The following IMMP2L variants were observed in gnomAD, a reference collection of about 807,000 sequenced individuals.
The protein encoded by IMMP2L is inner mitochondrial membrane peptidase subunit 2.
In IMMP2L, 18 loss-of-function variants were observed where a neutral mutation model predicts 19.3. That is an observed-to-expected ratio of 0.93 (90% CI 0.64 to 1.38). The LOEUF (loss-of-function observed/expected upper bound fraction) is 1.38. IMMP2L is among the 40% of genes most tolerant of loss of function. The probability of loss-of-function intolerance (pLI) is 0.00; values close to 1 mark genes in which losing one functional copy is unlikely to be tolerated. For missense variants in IMMP2L, 233 were observed against 218.2 expected, an observed-to-expected ratio of 1.07 and a Z score of -0.43; for synonymous variants, 76 against 73.0, an observed-to-expected ratio of 1.04 and a Z score of -0.21.
intron 3 of IMMP2L, among the ~76,000 whole-genome samples, chr7:111,331,925 G>A (rs1364818135): frequency 6.6e-6 from 1 of 151,708 alleles, no homozygotes; most frequent in Non-Finnish European, 1.5e-5. Flanking sequence ...TATTAACTGG[G>A]AAAGTTAAGC....
At chr7:110,936,253 T>C (rs259020) in intron 4 of IMMP2L, among the ~76,000 whole-genome samples, 2 of 151,792 alleles carry the variant, frequency 1.3e-5, no homozygotes, top group Non-Finnish European at 2.9e-5. Context: ...ATCATCAGAG[T>C]GAACAGGCAA....
chr7:111,228,130 C>T (rs752903966), intron 3 of IMMP2L, among the ~76,000 whole-genome samples: 4 of 152,162 alleles, frequency 2.6e-5, no homozygotes, highest in Non-Finnish European at 4.4e-5. Context: ...TGTTGAAATA[C>T]GTTTATGTTC....
chr7:111,476,268 G>C (rs1841716567), intron 3 of IMMP2L, among the ~76,000 whole-genome samples: 1 of 152,132 alleles, frequency 6.6e-6, no homozygotes, highest in South Asian at 2.1e-4. Flanking sequence ...CTGGCAAATA[G>C]AGGCTTTCAG....
At chr7:111,543,023 C>G (rs1367387389) in intron 1 of IMMP2L, among the ~76,000 whole-genome samples, 3 of 152,084 alleles carry the variant, frequency 2.0e-5, no homozygotes, top group Non-Finnish European at 2.9e-5. Flanking sequence ...GAAACTAAAG[C>G]AATCCAACTG....
intron 3 of IMMP2L, among the ~76,000 whole-genome samples, chr7:110,976,771 T>A (rs917998046): frequency 2.6e-5 from 4 of 151,966 alleles, no homozygotes; most frequent in Admixed American, 2.0e-4. Context: ...AATGCTCACA[T>A]GAAAATTCTA....
At chr7:111,292,565 C>T (rs1821230362) in intron 3 of IMMP2L, among the ~76,000 whole-genome samples, 2 of 151,762 alleles carry the variant, frequency 1.3e-5, no homozygotes, top group South Asian at 4.2e-4. Flanking sequence ...TAGCCTGGTT[C>T]AAAGAAATTG....
intron 3 of IMMP2L, among the ~76,000 whole-genome samples, chr7:111,131,681 T>A (rs1801862284): frequency 6.6e-6 from 1 of 151,992 alleles, no homozygotes; most frequent in Admixed American, 6.6e-5. Flanking sequence ...TAAATGTGTA[T>A]AATACATTAC....
At chr7:111,506,197 AAATAAT>A (rs543586226) in intron 2 of IMMP2L, among the ~76,000 whole-genome samples, 13 of 149,444 alleles carry the variant, frequency 8.7e-5, no homozygotes, top group Admixed American at 2.7e-4. Flanking sequence ...TGTCTCTTTA[AAATAAT>A]AATAATAATA....
At chr7:111,331,431 T>C (rs911770418) in intron 3 of IMMP2L, among the ~76,000 whole-genome samples, 2 of 151,872 alleles carry the variant, frequency 1.3e-5, no homozygotes, top group African/African-American at 4.8e-5. Flanking sequence ...CAGTAAGGAA[T>C]GGGGAAATGA....
chr7:111,430,200 G>A (rs1836487466), intron 3 of IMMP2L, among the ~76,000 whole-genome samples: 1 of 151,612 alleles, frequency 6.6e-6, no homozygotes, highest in South Asian at 2.1e-4. Flanking sequence ...GAATACATAA[G>A]GTAAGGAATA....
chr7:110,950,033 T>C (rs753839845), intron 4 of IMMP2L, among the ~76,000 whole-genome samples: 20 of 152,202 alleles, frequency 1.3e-4, no homozygotes, highest in Admixed American at 3.3e-4. Flanking sequence ...CATGAAATCA[T>C]TGCAAAAACC....
chr7:110,686,356 T>C (rs1387673613), intron 5 of IMMP2L, among the ~76,000 whole-genome samples: 1 of 152,020 alleles, frequency 6.6e-6, no homozygotes, highest in African/African-American at 2.4e-5. Flanking sequence ...CTTTATATTC[T>C]TTCTCTTGGT....
intron 3 of IMMP2L, among the ~76,000 whole-genome samples, chr7:111,464,495 T>C (rs1471059754): frequency 6.6e-6 from 1 of 152,068 alleles, no homozygotes; most frequent in Non-Finnish European, 1.5e-5. Context: ...AGTAAATAAA[T>C]AAGTAAAGTT....
intron 5 of IMMP2L, among the ~76,000 whole-genome samples, chr7:110,673,565 C>A (rs1392264624): frequency 1.3e-5 from 2 of 152,142 alleles, no homozygotes; most frequent in Admixed American, 1.3e-4. Context: ...ACTTTCTACT[C>A]TGTTACCTCT....
chr7:111,468,051 T>C (rs1195793070), intron 3 of IMMP2L, among the ~76,000 whole-genome samples: 2 of 152,110 alleles, frequency 1.3e-5, no homozygotes, highest in African/African-American at 2.4e-5. Flanking sequence ...GTAAAAATAT[T>C]AGTAAATAGG....
chr7:111,433,583 T>C (rs1019155789), intron 3 of IMMP2L, among the ~76,000 whole-genome samples: 1 of 151,720 alleles, frequency 6.6e-6, no homozygotes, highest in Non-Finnish European at 1.5e-5. Context: ...CTACAACACA[T>C]GGGAATTATG....
chr7:110,961,906 G>A (rs1818988349), intron 4 of IMMP2L, among the ~76,000 whole-genome samples: 1 of 151,850 alleles, frequency 6.6e-6, no homozygotes, highest in Admixed American at 6.6e-5. Flanking sequence ...TCTGGGGTTG[G>A]GAGTTAAAGT....
chr7:110,705,288 A>G lies in IMMP2L; in HGVS notation c.409-41567T>C, dbSNP rs966589474. Among the ~76,000 whole-genome samples, 11 of 151,962 alleles carry G rather than the reference A, an allele frequency of 7.2e-5. 1 individual carries two copies. Among genetic ancestry groups the G allele is most frequent in the African/African-American group, 2.7e-4 (11 of 41,218 alleles). The stretch of plus-strand genomic sequence containing the variant: ...AGAGACTGATAGTTTCTAGTATACT[A>G]GAATGTTTTAGGTGAACAAAGAGTA... On this transcript the variant is annotated intron_variant, in intron 5 of 5. Coordinates refer to ENST00000405709, the MANE Select transcript of IMMP2L (RefSeq NM_032549.4).
chr7:110,837,137 A>G (rs1172076257), intron 5 of IMMP2L, among the ~76,000 whole-genome samples: 1 of 152,204 alleles, frequency 6.6e-6, no homozygotes, highest in Non-Finnish European at 1.5e-5. Flanking sequence ...TAAATAAAAC[A>G]TGATACATTC....
Sources: gnomAD v4.1 joint callset for allele counts (sites outside exome capture counted in the v4.1 genomes callset) on GRCh38, gnomAD v4.1.1 for gene constraint, MANE v1.5 for transcripts, NCBI Gene and HGNC (gene_info 2026-07-23, HGNC 2026-07-21) for gene names.